The following ADAMTS13 variants were observed in gnomAD, a reference collection of about 807,000 sequenced individuals.
The protein encoded by ADAMTS13 is A disintegrin and metalloproteinase with thrombospondin motifs 13.
In ADAMTS13, 110 loss-of-function variants were observed where a neutral mutation model predicts 155.1. That is an observed-to-expected ratio of 0.71 (90% CI 0.61 to 0.83). The LOEUF (loss-of-function observed/expected upper bound fraction) is 0.83, where lower values mean the gene tolerates loss of function less well. Ranked by LOEUF, ADAMTS13 falls within the 40% of genes least tolerant of loss-of-function variation. The pLI, the probability that ADAMTS13 is intolerant of heterozygous loss-of-function variation, is 0.00. For synonymous variants in ADAMTS13, 758 were observed against 756.4 expected (o/e 1.00, Z -0.03); for missense variants, 1,707 against 1,891.7 (o/e 0.90, Z 1.81).
At chr9:133,435,617 C>T (rs180880969) in intron 11 of ADAMTS13, among the ~76,000 whole-genome samples, 1 of 151,776 alleles carries the variant, frequency 6.6e-6, no homozygotes, top group East Asian at 1.9e-4. Context: ...CTAAGCTCCG[C>T]CTCCCAGGTT....
rs782651785 is a variant in ADAMTS13 at position 133,424,270 on chromosome 9, A to G, written c.173-51A>G. 1 of 1,605,424 alleles carries G rather than the reference A, an allele frequency of 6.2e-7. No individual in the cohort carries two copies. The highest frequency in any genetic ancestry group is 1.7e-5 in the Admixed American group (1 of 59,986). ...CCAGCCCCTTTCCTGTTAGCTTTCC[A>G]CTGCTTGCTCTCTAGAACCATCGCC... On this transcript the variant is annotated intron_variant, in intron 2 of 28. Coordinates refer to ENST00000355699, the MANE Select transcript of ADAMTS13 (RefSeq NM_139027.6). The surrounding 1 kb of genome is among the most constrained non-coding windows in gnomAD (Gnocchi z 4.3).
At chr9:133,427,296 C>T (rs1840351210) in intron 6 of ADAMTS13, among the ~76,000 whole-genome samples, 1 of 152,232 alleles carries the variant, frequency 6.6e-6, no homozygotes, top group Non-Finnish European at 1.5e-5. Flanking sequence ...CAAACCTTCA[C>T]TCTTACCTAT....
At chr9:133,429,702 C>T (rs1840587714) in intron 7 of ADAMTS13, 2 of 696,450 alleles carry the variant, frequency 2.9e-6, no homozygotes, top group Admixed American at 2.0e-5. Context: ...CCACTCAGAC[C>T]CGTCCCTCCG....
intron 7 of ADAMTS13, chr9:133,429,709 T>C (rs1554786486): frequency 1.4e-6 from 1 of 702,176 alleles, no homozygotes; most frequent in Non-Finnish European, 2.6e-6. Context: ...GACCCGTCCC[T>C]CCGTCGCCGC....
rs1401430963 is a variant in ADAMTS13 at position 133,445,353 on chromosome 9, C to A, written c.2610+301C>A. Among the ~76,000 whole-genome samples, 1 of 152,194 alleles carries A rather than the reference C, an allele frequency of 6.6e-6. No individual in the cohort carries two copies. Among genetic ancestry groups the A allele is most frequent in the African/African-American group, 2.4e-5 (1 of 41,454 alleles). On this transcript the variant is annotated intron_variant, in intron 20 of 28. Transcript: ENST00000355699. This position sits in a 1 kb window ranked among gnomAD's most constrained non-coding sequence, Gnocchi z 5.0. ...CCGCCTGGCGTCCAGGGGCTGGAGG[C>A]TGACTGGCCTTGCTCTCTGGCCTGG...
chr9:133,427,055 G>A (rs36219251), intron 6 of ADAMTS13, among the ~76,000 whole-genome samples: 47 of 152,254 alleles, frequency 3.1e-4, no homozygotes, highest in African/African-American at 1.1e-3. Context: ...CACCTGCCTC[G>A]GTCTCCCACA....
chr9:133,414,704 T>C (rs1397173836), intron 1 of ADAMTS13: 2 of 1,613,994 alleles, frequency 1.2e-6, no homozygotes, highest in African/African-American at 2.7e-5. Flanking sequence ...AGCTTTCCGC[T>C]TCTTATGCTC....
Position 133,425,811 on chromosome 9 carries a change from T to C in ADAMTS13, c.415-127T>C, listed in dbSNP as rs1840241655. ...GCCTGACTACTTCTCTGAGCCTCAG[T>C]TGTCTCATCCCTAACACGGGCTAGT... On this transcript the variant is annotated intron_variant, in intron 4 of 28. Coordinates refer to ENST00000355699, the MANE Select transcript of ADAMTS13 (RefSeq NM_139027.6). This position sits in a 1 kb window ranked among gnomAD's most constrained non-coding sequence, Gnocchi z 4.6. 3 of 1,510,272 alleles carry C rather than the reference T, an allele frequency of 2.0e-6. No individual in the cohort carries two copies. The highest frequency in any genetic ancestry group is 2.4e-5 in the South Asian group (2 of 83,398). 93.6% of individuals were successfully genotyped at this position (1,510,272 alleles called of 1,614,324 possible).
intron 23 of ADAMTS13, among the ~76,000 whole-genome samples, 179 bp downstream of exon 23, chr9:133,450,144 A>C (rs1842345947): frequency 6.6e-6 from 1 of 151,978 alleles, no homozygotes; most frequent in African/African-American, 2.4e-5. Flanking sequence ...AAAAAAAAAC[A>C]AGACGGGGCC....
chr9:133,452,374 G>A (rs1221330348), intron 23 of ADAMTS13, among the ~76,000 whole-genome samples: 1 of 151,744 alleles, frequency 6.6e-6, no homozygotes, highest in Non-Finnish European at 1.5e-5. Context: ...TGTTTTTTGT[G>A]CTTTTTTTTT....
chr9:133,442,438 C>G lies in ADAMTS13; in HGVS notation c.2008C>G (p.Arg670Gly). 1.2e-6 allele frequency: 2 copies of G among 1,613,910 alleles called. No homozygotes were observed. Among genetic ancestry groups the G allele is most frequent in the Non-Finnish European group, 1.7e-6 (2 of 1,180,040 alleles). The change falls in exon 17 of 29, where the codon CGC becomes GGC. Residue 670 changes from arginine to glycine, a missense_variant. Coordinates refer to ENST00000355699, the MANE Select transcript of ADAMTS13 (RefSeq NM_139027.6). Reference sequence around the variant, plus strand: ...TGGCGAGGAGTATGGCAACCTCACCCGCCCAGACATCACCTTCACCTACTT... The same window carrying G: ...TGGCGAGGAGTATGGCAACCTCACCGGCCCAGACATCACCTTCACCTACTT... ...RYGEEYGNLTRPDITFTYFQP... is the reference protein window; with the variant it reads ...RYGEEYGNLTGPDITFTYFQP...
chr9:133,429,854 C>T (rs1564413879), intron 7 of ADAMTS13, 85 bp from the exon 8 acceptor site: 1 of 1,508,000 alleles, frequency 6.6e-7, no homozygotes, highest in South Asian at 1.2e-5. Context: ...CCAAACGCTT[C>T]CATCCTCGTG....
chr9:133,428,567 G>GGGCCCC, intron 6 of ADAMTS13, 67 bp from the exon 7 acceptor site: 2 of 96,950 alleles, frequency 2.1e-5, no homozygotes, highest in East Asian at 3.0e-4. Context: ...GCCGACCCCC[G>GGGCCCC]TCCCGCCCCC....
At chr9:133,434,088 T>A (rs1841001258) in intron 11 of ADAMTS13, among the ~76,000 whole-genome samples, 1 of 150,606 alleles carries the variant, frequency 6.6e-6, no homozygotes, top group Non-Finnish European at 1.5e-5. Context: ...AGAGTGAGAC[T>A]CTGTCTCAAA....
At chr9:133,428,881 GT>G in intron 7 of ADAMTS13, 110 bp downstream of exon 7, 1 of 1,110,740 alleles carries the variant, frequency 9.0e-7, no homozygotes. Flanking sequence ...CCTCCTTCCT[GT>G]CCCACCCCTC....
At chr9:133,418,412 C>G (rs1285438237), upstream of ADAMTS13, among the ~76,000 whole-genome samples, 1 of 152,200 alleles carries the variant, frequency 6.6e-6, no homozygotes, top group Non-Finnish European at 1.5e-5. Flanking sequence ...CTTCCACGTA[C>G]AGTGGGGAAA....
chr9:133,423,198 G>C (rs781893209), intron 2 of ADAMTS13, 31 bp downstream of exon 2: 4 of 1,606,394 alleles, frequency 2.5e-6, no homozygotes, highest in Non-Finnish European at 3.4e-6. Context: ...TCTCCCGGGG[G>C]GAGTTTCTCA....
At chr9:133,430,952 G>A (rs1285391564) in intron 8 of ADAMTS13, among the ~76,000 whole-genome samples, 2 of 147,650 alleles carry the variant, frequency 1.4e-5, no homozygotes, top group African/African-American at 2.4e-5. Context: ...GAGCCACAGC[G>A]CCCCGCCAAG....
chr9:133,416,175 G>A (rs587703049), intron 1 of ADAMTS13, among the ~76,000 whole-genome samples: 27 of 152,272 alleles, frequency 1.8e-4, no homozygotes, highest in Non-Finnish European at 3.4e-4. Context: ...GGGAGCAGGT[G>A]TGTTGCGTGG....
Sources: allele counts gnomAD v4.1 joint callset (sites outside exome capture counted in the v4.1 genomes callset), GRCh38; gene constraint gnomAD v4.1.1; non-coding constraint Gnocchi (gnomAD v3.1); transcripts MANE v1.5; gene names NCBI Gene and HGNC (gene_info 2026-07-23, HGNC 2026-07-21).